TTC27: variants seen among roughly 807,000 people sequenced by gnomAD.
TTC27 encodes the protein tetratricopeptide repeat protein 27.
Under a neutral mutation model 115.9 loss-of-function variants are expected in TTC27, and 79 were observed. The observed-to-expected ratio is 0.68, with a 90% CI of 0.57 to 0.82. The LOEUF is 0.82. Among genes scored for constraint, TTC27 ranks in the 40% least tolerant of loss-of-function variants. The pLI is 0.00. For synonymous variants in TTC27, 401 were observed against 356.0 expected, an observed-to-expected ratio of 1.13 and a Z score of -1.42; for missense variants, 1,054 against 993.1, an observed-to-expected ratio of 1.06 and a Z score of -0.82.
chr2:32,685,551 G>A (rs1559205415), intron 9 of TTC27, among the ~76,000 whole-genome samples: 2 of 152,140 alleles, frequency 1.3e-5, no homozygotes, highest in Admixed American at 1.3e-4. Context: ...TGACCAAATA[G>A]TGTTTATCCC....
At chr2:32,786,098 G>T (rs1670338859) in intron 15 of TTC27, among the ~76,000 whole-genome samples, 1 of 149,708 alleles carries the variant, frequency 6.7e-6, no homozygotes, top group Non-Finnish European at 1.5e-5. Flanking sequence ...AAAACTTTTT[G>T]TCACTCCTCC....
intron 10 of TTC27, among the ~76,000 whole-genome samples, chr2:32,716,651 T>C (rs1667760830): frequency 6.6e-6 from 1 of 152,134 alleles, no homozygotes; most frequent in Non-Finnish European, 1.5e-5. Context: ...TGTTACTCTA[T>C]ATTCTATTGG....
At chr2:32,780,257 A>G in intron 14 of TTC27, 1 of 270,954 alleles carries the variant, frequency 3.7e-6, no homozygotes. Flanking sequence ...GAGTACTGCC[A>G]TCTTAATAAT....
At chr2:32,814,413 C>T (rs1671422082) in intron 18 of TTC27, among the ~76,000 whole-genome samples, 1 of 152,088 alleles carries the variant, frequency 6.6e-6, no homozygotes, top group African/African-American at 2.4e-5. Context: ...GAGTGGATGC[C>T]CAGCTTTCGT....
intron 16 of TTC27, among the ~76,000 whole-genome samples, chr2:32,793,279 A>G (rs1670596346): frequency 6.6e-6 from 1 of 152,188 alleles, no homozygotes. Flanking sequence ...ACTGTCAATC[A>G]AGAATCCTTT....
chr2:32,749,005 G>T (rs1296733379), intron 12 of TTC27, among the ~76,000 whole-genome samples: 1 of 152,072 alleles, frequency 6.6e-6, no homozygotes, highest in Non-Finnish European at 1.5e-5. Context: ...TATTCTTAAT[G>T]CCTGTACCAG....
intron 11 of TTC27, among the ~76,000 whole-genome samples, 199 bp from the exon 12 acceptor site, chr2:32,736,495 A>G (rs1347083254): frequency 6.6e-6 from 1 of 152,178 alleles, no homozygotes; most frequent in East Asian, 1.9e-4. Flanking sequence ...AATTCCTTAT[A>G]CCCTATAAAG....
At chr2:32,769,712 G>T (rs1023670215) in intron 13 of TTC27, among the ~76,000 whole-genome samples, 2 of 152,188 alleles carry the variant, frequency 1.3e-5, no homozygotes, top group Non-Finnish European at 2.9e-5. Flanking sequence ...ACTGGAAAAT[G>T]AGAACATTAA....
chr2:32,783,765 C>G (rs944811484), intron 15 of TTC27, among the ~76,000 whole-genome samples: 1 of 152,178 alleles, frequency 6.6e-6, no homozygotes, highest in Non-Finnish European at 1.5e-5. Flanking sequence ...ACTAAACGGG[C>G]TTATTGACTG....
At position 32,672,231 on chromosome 2, in the gene TTC27, T is replaced by G. The variant is rs756030070; in HGVS notation, c.940-41T>G. 1.3e-5 allele frequency: 19 copies of G among 1,471,374 alleles called. No homozygotes were observed. In the South Asian group the frequency reaches 2.2e-4, roughly 17 times the overall value. 91.1% of individuals were successfully genotyped at this position (1,471,374 alleles called of 1,614,324 possible). On this transcript the variant is annotated intron_variant, in intron 7 of 19. Coordinates refer to ENST00000317907, the MANE Select transcript of TTC27 (RefSeq NM_017735.5). Reference sequence around the variant, plus strand: ...ATGCCATTCTGGTGAATGAATAAAATTTAATTTTTGGTCTAAGTATTTTCT... The same window carrying G: ...ATGCCATTCTGGTGAATGAATAAAAGTTAATTTTTGGTCTAAGTATTTTCT...
At chr2:32,752,261 AGGAATATCATCT>A (rs1669045841) in intron 12 of TTC27, among the ~76,000 whole-genome samples, 1 of 152,212 alleles carries the variant, frequency 6.6e-6, no homozygotes, top group African/African-American at 2.4e-5. Flanking sequence ...AAAATGTAAA[AGGAATATCATCT>A]GGGCCCTGTT....
At chr2:32,656,330 G>A (rs774132938) in intron 5 of TTC27, among the ~76,000 whole-genome samples, 11 of 152,134 alleles carry the variant, frequency 7.2e-5, no homozygotes, top group Non-Finnish European at 1.2e-4. Flanking sequence ...GTTCTGAACC[G>A]GGAGGTCAGA....
At chr2:32,750,475 G>C (rs1437206584) in intron 12 of TTC27, among the ~76,000 whole-genome samples, 2 of 152,200 alleles carry the variant, frequency 1.3e-5, no homozygotes. Context: ...CATGAAATCA[G>C]AAGGAAAAGG....
intron 10 of TTC27, among the ~76,000 whole-genome samples, chr2:32,714,709 CG>C: frequency 6.6e-6 from 1 of 152,240 alleles, no homozygotes; most frequent in South Asian, 2.1e-4. Flanking sequence ...TTCCCATCAA[CG>C]GTATGTAAGT....
chr2:32,632,038 T>C (rs1664236951), intron 2 of TTC27, among the ~76,000 whole-genome samples: 1 of 152,020 alleles, frequency 6.6e-6, no homozygotes, highest in Non-Finnish European at 1.5e-5. Context: ...CTTGAACTGC[T>C]GACCTCAGGT....
At chr2:32,664,488 A>ATAAT in intron 6 of TTC27, 21 bp downstream of exon 6, 1 of 1,584,306 alleles carries the variant, frequency 6.3e-7, no homozygotes, top group Non-Finnish European at 8.5e-7. Flanking sequence ...TTTTTTGTGG[A>ATAAT]TAATTGATTT....
At chr2:32,632,541 A>C (rs546455048) in intron 2 of TTC27, among the ~76,000 whole-genome samples, 1 of 152,282 alleles carries the variant, frequency 6.6e-6, no homozygotes, top group Non-Finnish European at 1.5e-5. Context: ...CAGTTTATTA[A>C]GGCTGTTTTC....
chr2:32,705,754 A>G (rs978154701), intron 10 of TTC27, among the ~76,000 whole-genome samples: 1 of 151,978 alleles, frequency 6.6e-6, no homozygotes, highest in Non-Finnish European at 1.5e-5. Context: ...AGGTCTCACT[A>G]TGTTGTCCAG....
intron 12 of TTC27, among the ~76,000 whole-genome samples, chr2:32,739,367 AGAAAGTATG>A (rs1668550869): frequency 6.6e-6 from 1 of 152,244 alleles, no homozygotes; most frequent in African/African-American, 2.4e-5. Context: ...AATTATTTTT[AGAAAGTATG>A]GAAAGATGAG....
Sources: gnomAD v4.1 joint callset for allele counts (sites outside exome capture counted in the v4.1 genomes callset) on GRCh38, gnomAD v4.1.1 for gene constraint, MANE v1.5 for transcripts, NCBI Gene and HGNC (gene_info 2026-07-23, HGNC 2026-07-21) for gene names.